The following LMNA variants were observed in gnomAD, a reference collection of about 807,000 sequenced individuals.
LMNA encodes lamin A/C.
In LMNA, 20 loss-of-function variants were observed where a neutral mutation model predicts 70.4. That is an observed-to-expected ratio of 0.28 (90% CI 0.20 to 0.41). The LOEUF (loss-of-function observed/expected upper bound fraction) is 0.41. Among genes scored for constraint, LMNA ranks in the 10% least tolerant of loss-of-function variants. The probability of loss-of-function intolerance (pLI) is 1.00; values close to 1 mark genes in which losing one functional copy is unlikely to be tolerated. For synonymous variants in LMNA, 339 were observed against 372.8 expected, an observed-to-expected ratio of 0.91 and a Z score of 1.04; for missense variants, 652 against 917.2, an observed-to-expected ratio of 0.71 and a Z score of 3.73.
In LMNA at chr1:156,139,409, G is replaced by A. The variant is rs1327229537; in HGVS notation, c.*303G>A. 2.9e-6 allele frequency: 4 copies of A among 1,361,812 alleles called. No homozygotes were observed. The highest frequency in any genetic ancestry group is 6.5e-5 in the Admixed American group (2 of 30,718). The allele number at this position is 1,361,812 out of a possible 1,614,324, so 84.4% of individuals were successfully genotyped here. ...CACATCTGCCTTAAAACCAAAGAGG[G>A]CTTCCTCTAGAAGCCAAGGGAAAGG... On this transcript the variant is annotated 3_prime_UTR_variant, in exon 12 of 12. Coordinates refer to ENST00000368300, the MANE Select transcript of LMNA (RefSeq NM_170707.4).
At chr1:156,109,049 T>G (rs936417518) in intron 3 of LMNA, among the ~76,000 whole-genome samples, 1 of 152,196 alleles carries the variant, frequency 6.6e-6, no homozygotes, top group African/African-American at 2.4e-5. Context: ...TAATTTAACC[T>G]TTCTGGGCTT....
intron 1 of LMNA, among the ~76,000 whole-genome samples, chr1:156,130,069 C>T (rs1484647727): frequency 6.6e-6 from 1 of 152,170 alleles, no homozygotes; most frequent in Non-Finnish European, 1.5e-5. Flanking sequence ...TGAGCTCTAA[C>T]CAGACTTTCC....
chr1:156,124,363 A>T lies in LMNA; in HGVS notation c.357-6254A>T, dbSNP rs555785656. Among the ~76,000 whole-genome samples the T allele has an allele frequency of 4.6e-5, 7 of 151,760 alleles. No individual in the cohort carries two copies. The South Asian group carries it at 1.5e-3, about 32-fold the overall frequency. ...GAATGCAGTGGCGCGATCTTGGCTC[A>T]CTGCAAACTCCGCCTCCTGGGTTCA... On this transcript the variant is annotated intron_variant, in intron 1 of 11. Coordinates refer to ENST00000368300, the MANE Select transcript of LMNA (RefSeq NM_170707.4).
At position 156,138,236 on chromosome 1, in the gene LMNA, C is replaced by T; in HGVS notation, c.1699-252C>T. 1.7e-6 allele frequency: 1 copy of T among 592,870 alleles called. No individual in the cohort carries two copies. The highest frequency in any genetic ancestry group is 2.0e-5 in the South Asian group (1 of 49,274). 36.7% of individuals were successfully genotyped at this position (592,870 alleles called of 1,614,324 possible). ...TCTTTTCCTCTTAAGCTCAGAGTAGCTAGAACAGAGTCAGAGTCACTGCTC... is the reference window on the plus strand; with the variant it reads ...TCTTTTCCTCTTAAGCTCAGAGTAGTTAGAACAGAGTCAGAGTCACTGCTC... On this transcript the variant is annotated intron_variant, in intron 10 of 11. Coordinates refer to ENST00000368300, the MANE Select transcript of LMNA (RefSeq NM_170707.4). The surrounding 1 kb of genome is among the most constrained non-coding windows in gnomAD (Gnocchi z 5.5).
chr1:156,094,904 C>T (rs1459886592), intron 3 of LMNA, among the ~76,000 whole-genome samples: 4 of 151,522 alleles, frequency 2.6e-5, no homozygotes, highest in African/African-American at 7.3e-5. Context: ...AGATTACAGG[C>T]GTTTGTCACC....
chr1:156,139,690 T>C lies in LMNA; in HGVS notation c.*584T>C. ...GTTCCTCTGCCTGCCCCGCCCCCAG[T>C]CCCCACCCCTGCCCCCAGCCCCGGG... On this transcript the variant is annotated 3_prime_UTR_variant, in exon 12 of 12. Coordinates refer to ENST00000368300, the MANE Select transcript of LMNA (RefSeq NM_170707.4). 6.6e-7 allele frequency: 1 copy of C among 1,508,530 alleles called. No homozygotes were observed. The highest frequency in any genetic ancestry group is 1.2e-5 in the South Asian group (1 of 82,356). 93.4% of individuals were successfully genotyped at this position (1,508,530 alleles called of 1,614,324 possible).
At position 156,084,341 on chromosome 1, in the gene LMNA, G is replaced by GA. The variant is rs1648401612; in HGVS notation, c.-319+1157_-319+1158insA. Among the ~76,000 whole-genome samples, 2 of 127,368 alleles carry GA rather than the reference G, an allele frequency of 1.6e-5. 1 individual carries two copies. Among genetic ancestry groups the GA allele is most frequent in the South Asian group, 6.1e-4 (2 of 3,298 alleles). The allele number at this position is 127,368 out of a possible 152,430, so 83.6% of individuals were successfully genotyped here. ...ATCTCAGAAGGTCGGGGGGTGGTGG[G>GA]GGCAGTTGGCACACTGCAGGGATTT... On this transcript the variant is annotated intron_variant, in intron 2 of 12. Transcript: ENST00000368301.
At chr1:156,111,102 T>A (rs573270941), upstream of LMNA, among the ~76,000 whole-genome samples, 1 of 152,150 alleles carries the variant, frequency 6.6e-6, no homozygotes, top group African/African-American at 2.4e-5. Context: ...AACACTAGGA[T>A]GCTATAAGAA....
intron 2 of LMNA, among the ~76,000 whole-genome samples, chr1:156,090,074 CAT>C (rs1648640139): frequency 6.6e-6 from 1 of 152,182 alleles, no homozygotes; most frequent in Non-Finnish European, 1.5e-5. Flanking sequence ...AGGCAGTAAA[CAT>C]GTCCTTCCTA....
intron 3 of LMNA, among the ~76,000 whole-genome samples, chr1:156,092,563 C>CTTGGG (rs1648749827): frequency 6.6e-6 from 1 of 151,452 alleles, no homozygotes; most frequent in African/African-American, 2.4e-5. Flanking sequence ...CCTGTAATCC[C>CTTGGG]AGCTACTTGG....
intron 2 of LMNA, among the ~76,000 whole-genome samples, chr1:156,084,985 T>G (rs989590484): frequency 2.0e-5 from 3 of 152,010 alleles, no homozygotes; most frequent in South Asian, 4.2e-4. Flanking sequence ...GGCTGAAAGG[T>G]GGGGTGGGCG....
rs397517898 is a variant in LMNA at position 156,138,614 on chromosome 1, G to A, written c.1825G>A (p.Gly609Arg). 15 of 1,612,862 alleles carry A rather than the reference G, an allele frequency of 9.3e-6. No individual in the cohort carries two copies. The highest frequency in any genetic ancestry group is 2.7e-5 in the African/African-American group (2 of 74,926). The change falls in exon 11 of 12, where the codon GGA becomes AGA. Residue 609 changes from glycine (G) to arginine (R), a missense_variant. Gly to Arg is a moderately radical substitution (Grantham distance 125, BLOSUM62 -2). This residue lies in a region of LMNA where 327 missense variants were observed against 387.6 expected (regional missense o/e 0.84). Transcript: ENST00000368300. The surrounding 1 kb of genome is among the most constrained non-coding windows in gnomAD (Gnocchi z 5.5). ...CAGCGGCTCAGGAGCCCAGGTGGGC[G>A]GACCCATCTCCTCTGGCTCTTCTGC... ...SASGSGAQVGGPISSGSSASS... is the reference protein window; with the variant it reads ...SASGSGAQVGRPISSGSSASS...
chr1:156,132,168 T>A (rs1360358609), intron 2 of LMNA, among the ~76,000 whole-genome samples: 2 of 150,904 alleles, frequency 1.3e-5, no homozygotes, highest in African/African-American at 4.9e-5. Context: ...CAAAACTCTA[T>A]CTCAAAAAAA....
chr1:156,104,721 C>T (rs755777325), intron 3 of LMNA, among the ~76,000 whole-genome samples: 2 of 152,202 alleles, frequency 1.3e-5, no homozygotes, highest in Non-Finnish European at 2.9e-5. Context: ...AGTGCGTCGT[C>T]GGTGCTCAGT....
chr1:156,097,404 C>G (rs1385137535), intron 3 of LMNA, among the ~76,000 whole-genome samples: 1 of 152,248 alleles, frequency 6.6e-6, no homozygotes, highest in South Asian at 2.1e-4. Context: ...GGCAGGGAAA[C>G]TGAGGGATGG....
chr1:156,132,025 C>G (rs929927723), intron 2 of LMNA, among the ~76,000 whole-genome samples: 1 of 152,030 alleles, frequency 6.6e-6, no homozygotes, highest in African/African-American at 2.4e-5. Flanking sequence ...CAAAATTAGC[C>G]AGGCGTGGTG....
chr1:156,139,238 C>A lies in LMNA; in HGVS notation c.*132C>A. On this transcript the variant is annotated 3_prime_UTR_variant, in exon 12 of 12. Coordinates refer to ENST00000368300, the MANE Select transcript of LMNA (RefSeq NM_170707.4). ...AAAATAACCCTTTGGTTTTTTTCTT[C>A]TGTATTTTTTTTTCTAAGAGAAGTT... The A allele has an allele frequency of 6.8e-7, 1 of 1,466,536 alleles. No homozygotes were observed. 90.8% of individuals were successfully genotyped at this position (1,466,536 alleles called of 1,614,324 possible).
chr1:156,110,125 T>C (rs1216366069), upstream of LMNA, among the ~76,000 whole-genome samples: 3 of 152,138 alleles, frequency 2.0e-5, no homozygotes, highest in Non-Finnish European at 4.4e-5. Flanking sequence ...ATTGGGATTA[T>C]GGGTGTGAGC....
chr1:156,139,378 A>G lies in LMNA; in HGVS notation c.*272A>G, dbSNP rs565034780. 1 of 1,385,998 alleles carries G rather than the reference A, an allele frequency of 7.2e-7. No homozygotes were observed. Among genetic ancestry groups the G allele is most frequent in the Non-Finnish European group, 9.3e-7 (1 of 1,074,162 alleles). 85.9% of individuals were successfully genotyped at this position (1,385,998 alleles called of 1,614,324 possible). ...TCCCTTCCTTTTCCCTGCTTCCAGG[A>G]AACTCCACATCTGCCTTAAAACCAA... is the stretch of plus-strand genomic sequence containing the variant. On this transcript the variant is annotated 3_prime_UTR_variant, in exon 12 of 12. Coordinates refer to ENST00000368300, the MANE Select transcript of LMNA (RefSeq NM_170707.4).
Sources: gnomAD v4.1 joint callset for allele counts (sites outside exome capture counted in the v4.1 genomes callset) on GRCh38, gnomAD v4.1.1 for gene constraint, gnomAD v4.1.1 regional missense constraint, Gnocchi (gnomAD v3.1) non-coding constraint, MANE v1.5 for transcripts, NCBI Gene and HGNC (gene_info 2026-07-23, HGNC 2026-07-21) for gene names.